CADPS: variants seen among roughly 807,000 people sequenced by gnomAD.
CADPS encodes the protein calcium-dependent secretion activator 1.
A neutral mutation model predicts 167.3 loss-of-function variants in CADPS; 57 were observed. That is an observed-to-expected ratio of 0.34 (90% CI 0.28 to 0.42). The LOEUF (loss-of-function observed/expected upper bound fraction) is 0.42, where lower values mean the gene tolerates loss of function less well. CADPS is among the 20% of genes least tolerant of loss of function. The probability of loss-of-function intolerance (pLI) is 1.00; values close to 1 mark genes in which losing one functional copy is unlikely to be tolerated. For synonymous variants in CADPS, 676 were observed against 635.3 expected (o/e 1.06, Z -0.96); for missense variants, 1,414 against 1,738.1 (o/e 0.81, Z 3.32).
At chr3:62,467,284 GA>G in intron 24 of CADPS, 2 of 1,235,100 alleles carry the variant, frequency 1.6e-6, no homozygotes, top group Non-Finnish European at 2.1e-6. Context: ...ATTTGAAAAG[GA>G]AAATGCACTT....
intron 28 of CADPS, among the ~76,000 whole-genome samples, chr3:62,418,528 A>G (rs1246318457): frequency 7.9e-6 from 1 of 127,268 alleles, no homozygotes; most frequent in East Asian, 2.3e-4. Context: ...TTTTGTAGAG[A>G]TGGGATTTCG....
chr3:62,655,702 A>G (rs547260779), intron 4 of CADPS, among the ~76,000 whole-genome samples: 1 of 152,268 alleles, frequency 6.6e-6, no homozygotes, highest in South Asian at 2.1e-4. Context: ...AAAGACTCAA[A>G]TGACAAAGTT....
chr3:62,559,109 C>T (rs1364457773), intron 9 of CADPS, among the ~76,000 whole-genome samples: 3 of 152,126 alleles, frequency 2.0e-5, no homozygotes, highest in African/African-American at 7.2e-5. Flanking sequence ...ACCCATAGAG[C>T]GAACACTTCA....
intron 1 of CADPS, among the ~76,000 whole-genome samples, chr3:62,840,707 T>C (rs1036609234): frequency 1.3e-5 from 2 of 152,186 alleles, no homozygotes; most frequent in Non-Finnish European, 2.9e-5. Context: ...GAGGCAGTAA[T>C]ACTTTTTATA....
chr3:62,798,680 C>A (rs1032780091), intron 1 of CADPS, among the ~76,000 whole-genome samples: 1 of 119,336 alleles, frequency 8.4e-6, no homozygotes, highest in Admixed American at 7.4e-5. Flanking sequence ...CCAAATGTTA[C>A]CCCTGTGAAG....
At chr3:62,532,630 A>G (rs1463453246) in intron 13 of CADPS, among the ~76,000 whole-genome samples, 2 of 152,108 alleles carry the variant, frequency 1.3e-5, no homozygotes, top group African/African-American at 2.4e-5. Context: ...ATTTGAACCT[A>G]GATTGGCCTA....
chr3:62,603,916 T>A (rs543401051), intron 6 of CADPS, among the ~76,000 whole-genome samples: 119 of 151,874 alleles, frequency 7.8e-4, no homozygotes, highest in Non-Finnish European at 1.5e-3. Context: ...AAGCTCCACC[T>A]CCCGGGTTCA....
At chr3:62,694,937 G>A (rs573358378) in intron 3 of CADPS, among the ~76,000 whole-genome samples, 6 of 152,136 alleles carry the variant, frequency 3.9e-5, no homozygotes, top group Admixed American at 6.5e-5. Context: ...CAGAATTCAC[G>A]GGCCCAGCAA....
chr3:62,572,584 A>G (rs1037505733), intron 8 of CADPS, among the ~76,000 whole-genome samples: 3 of 152,130 alleles, frequency 2.0e-5, no homozygotes, highest in Admixed American at 1.3e-4. Context: ...ACATTTCATC[A>G]TTGGTCCCAC....
At position 62,601,171 on chromosome 3, in the gene CADPS, T is replaced by G. The variant is rs1339311412; in HGVS notation, c.1326-8423A>C. Among the ~76,000 whole-genome samples, 1 of 152,192 alleles carries G rather than the reference T, an allele frequency of 6.6e-6. No homozygotes were observed. The highest frequency in any genetic ancestry group is 1.9e-4 in the East Asian group (1 of 5,196). On this transcript the variant is annotated intron_variant, in intron 6 of 29. Transcript: ENST00000383710. This position sits in a 1 kb window ranked among gnomAD's most constrained non-coding sequence, Gnocchi z 4.3. ...CTCATAAGCTAATAAGGGCTTTGTATTTTCAAATGGCTGAAAATAATCAAA... is the reference window on the plus strand; with the variant it reads ...CTCATAAGCTAATAAGGGCTTTGTAGTTTCAAATGGCTGAAAATAATCAAA...
intron 3 of CADPS, among the ~76,000 whole-genome samples, chr3:62,695,906 A>T (rs768331067): frequency 1.1e-4 from 16 of 152,082 alleles, no homozygotes; most frequent in Non-Finnish European, 2.1e-4. Flanking sequence ...TGCAACTTCA[A>T]GTTAGTATAT....
Position 62,588,365 on chromosome 3 carries a change from G to A in CADPS, c.1438-3041C>T, listed in dbSNP as rs926184367. ...CTATAATTTCTGTTTTTATGTCTGT[G>A]TCCCTTATGCTTTGTGAGGTTAAGG... On this transcript the variant is annotated intron_variant, in intron 7 of 29. Coordinates refer to ENST00000383710, the MANE Select transcript of CADPS (RefSeq NM_003716.4). Among the ~76,000 whole-genome samples, 7 of 140,362 alleles carry A rather than the reference G, an allele frequency of 5.0e-5. No homozygotes were observed. In the East Asian group the frequency reaches 1.5e-3, roughly 30 times the overall value. The allele number at this position is 140,362 out of a possible 152,430, so 92.1% of individuals were successfully genotyped here.
chr3:62,854,300 G>A lies in CADPS; in HGVS notation c.441+20289C>T, dbSNP rs1490761564. Reference sequence around the variant, plus strand: ...AACTTTCTCTCTATGCATTCCTTTCGTAGTTTTGCTTTGTGAAGGTCATGG... The same window carrying A: ...AACTTTCTCTCTATGCATTCCTTTCATAGTTTTGCTTTGTGAAGGTCATGG... On this transcript the variant is annotated intron_variant, in intron 1 of 29. Coordinates refer to ENST00000383710, the MANE Select transcript of CADPS (RefSeq NM_003716.4). 3.3e-5 allele frequency among the ~76,000 whole-genome samples: 5 copies of A among 152,114 alleles called. No homozygotes were observed. In the East Asian group the frequency reaches 5.8e-4, roughly 18 times the overall value.
intron 3 of CADPS, among the ~76,000 whole-genome samples, chr3:62,706,719 T>G (rs2082372156): frequency 6.6e-6 from 1 of 152,148 alleles, no homozygotes; most frequent in Non-Finnish European, 1.5e-5. Flanking sequence ...TCTGTGTGTC[T>G]GTATCCAGAT....
intron 3 of CADPS, among the ~76,000 whole-genome samples, chr3:62,724,602 A>ACTGTTGGTATT (rs2076403001): frequency 1.3e-5 from 2 of 152,194 alleles, no homozygotes; most frequent in Non-Finnish European, 2.9e-5. Flanking sequence ...TACAACTGGG[A>ACTGTTGGTATT]CTGTTGGTAT....
At chr3:62,718,182 T>C (rs532529061) in intron 3 of CADPS, among the ~76,000 whole-genome samples, 2 of 152,352 alleles carry the variant, frequency 1.3e-5, no homozygotes, top group South Asian at 4.1e-4. Flanking sequence ...CTGTGCTTTC[T>C]TAGCAGAATG....
chr3:62,562,923 GT>G (rs2079437809), intron 9 of CADPS, among the ~76,000 whole-genome samples: 1 of 152,202 alleles, frequency 6.6e-6, no homozygotes, highest in Non-Finnish European at 1.5e-5. Flanking sequence ...TTAAAGAAAA[GT>G]TTTCTCTGGG....
chr3:62,662,121 A>G (rs1301852220), intron 4 of CADPS, among the ~76,000 whole-genome samples, 193 bp downstream of exon 4: 2 of 152,190 alleles, frequency 1.3e-5, no homozygotes, highest in Non-Finnish European at 2.9e-5. Context: ...ACTGGAGCAT[A>G]GGAAATGCAT....
chr3:62,755,229 C>A (rs1041154912), intron 2 of CADPS, among the ~76,000 whole-genome samples: 1 of 152,074 alleles, frequency 6.6e-6, no homozygotes, highest in South Asian at 2.1e-4. Context: ...AAACCTCTCC[C>A]CCCTGGTGGA....
Sources: gnomAD v4.1 joint callset for allele counts (sites outside exome capture counted in the v4.1 genomes callset) on GRCh38, gnomAD v4.1.1 for gene constraint, Gnocchi (gnomAD v3.1) non-coding constraint, MANE v1.5 for transcripts, NCBI Gene and HGNC (gene_info 2026-07-23, HGNC 2026-07-21) for gene names.